The following CAND2 variants were observed in gnomAD, a reference collection of about 807,000 sequenced individuals.
CAND2 encodes the protein cullin-associated NEDD8-dissociated protein 2.
CAND2 carries 62 observed loss-of-function variants against 98.9 expected under a neutral mutation model. The observed-to-expected ratio is 0.63, with a 90% confidence interval of 0.51 to 0.77. The LOEUF (loss-of-function observed/expected upper bound fraction) is 0.77, where lower values mean the gene tolerates loss of function less well. Ranked by LOEUF, CAND2 falls within the 30% of genes least tolerant of loss-of-function variation. The pLI is 0.00. For synonymous variants in CAND2, 770 were observed against 731.9 expected (o/e 1.05, Z -0.84); for missense variants, 1,501 against 1,655.2 (o/e 0.91, Z 1.62).
chr3:12,830,117 C>T (rs1278192290), intron 13 of CAND2, among the ~76,000 whole-genome samples: 3 of 152,150 alleles, frequency 2.0e-5, no homozygotes, highest in South Asian at 2.1e-4. Context: ...GTTCCTGGGA[C>T]GCTCCTTCCT....
intron 1 of CAND2, among the ~76,000 whole-genome samples, chr3:12,800,814 C>T (rs2124832287): frequency 6.6e-6 from 1 of 152,156 alleles, no homozygotes; most frequent in Non-Finnish European, 1.5e-5. Context: ...CCTCTGCCTC[C>T]TGGGTTCAAG....
Position 12,816,726 on chromosome 3 carries a change from T to C in CAND2, c.1794T>C (p.Leu598=). ...GGGCCATTTCCTGCATGGGCCACCT[T>C]GTAGGCCACCTGGGTGACCGGCTTG... ...KERAISCMGH[L]VGHLGDRLGD... The change falls in exon 10 of 15, where the codon CTT becomes CTC. Residue 598 remains leucine (L), a synonymous_variant. Transcript: ENST00000456430. 1 of 1,613,668 alleles carries C rather than the reference T, an allele frequency of 6.2e-7. No homozygotes were observed. Among genetic ancestry groups the C allele is most frequent in the Non-Finnish European group, 8.5e-7 (1 of 1,180,040 alleles).
At chr3:12,797,774 C>CAA (rs34122935) in intron 1 of CAND2, among the ~76,000 whole-genome samples, 100,178 of 151,900 alleles carry the variant, frequency 0.66, 35,207 homozygotes, top group African/African-American at 0.91. Flanking sequence ...GGTTCAGTCA[C>CAA]AGCGAGGAAG....
rs750521408 is a variant in CAND2 at position 12,815,248 on chromosome 3, G to C, written c.1114G>C (p.Asp372His). Reference sequence around the variant, plus strand: ...CAGCTCGCGGCCTGACCTGCTGCCCGATTTCCACTGCACCCTGGCACCTGT... The same window carrying C: ...CAGCTCGCGGCCTGACCTGCTGCCCCATTTCCACTGCACCCTGGCACCTGT... ...LISSRPDLLP[D>H]FHCTLAPVLI... Residue 372 changes from aspartate (D) to histidine (H), a missense_variant, in exon 8 of 15, where the codon GAT becomes CAT. Asp to His is a moderately conservative substitution (Grantham distance 81). Around this residue, in one of 3 missense-constraint regions of CAND2, gnomAD observed 1,427 missense variants for 1,545.3 expected, o/e 0.92. Coordinates refer to ENST00000456430, the MANE Select transcript of CAND2 (RefSeq NM_001162499.2). The surrounding 1 kb of genome is among the most constrained non-coding windows in gnomAD (Gnocchi z 5.7). 6 of 1,613,860 alleles carry C rather than the reference G, an allele frequency of 3.7e-6. No homozygotes were observed. In the Admixed American group the frequency reaches 1.0e-4, roughly 27 times the overall value.
In CAND2 at chr3:12,833,900, A is replaced by G. The variant is rs577013374; in HGVS notation, c.3629A>G (p.Asn1210Ser). The change falls in exon 15 of 15, where the codon AAC (asparagine) becomes AGC (serine). Residue 1210 changes from asparagine to serine, a missense_variant. By Grantham distance (46) the Asn-to-Ser change is conservative. Around this residue, in one of 3 missense-constraint regions of CAND2, gnomAD observed 1,427 missense variants for 1,545.3 expected, o/e 0.92. Coordinates refer to ENST00000456430, the MANE Select transcript of CAND2 (RefSeq NM_001162499.2). ...MADFSSQIRS[N>S]PELAALFESI... ...GACTTCTCTTCCCAAATCAGATCCAACCCTGAACTTGCTGCCCTCTTTGAA... is the reference window on the plus strand; with the variant it reads ...GACTTCTCTTCCCAAATCAGATCCAGCCCTGAACTTGCTGCCCTCTTTGAA... The G allele has an allele frequency of 3.7e-6, 6 of 1,614,116 alleles. No homozygotes were observed. The Middle Eastern group carries it at 4.9e-4, about 133-fold the overall frequency.
chr3:12,813,465 G>C, intron 7 of CAND2, 77 bp downstream of exon 7: 1 of 1,498,574 alleles, frequency 6.7e-7, no homozygotes. Flanking sequence ...ACCAAAGACA[G>C]CGGTCACATT....
Position 12,823,815 on chromosome 3 carries a change from T to C in CAND2, c.3041-1655T>C, listed in dbSNP as rs929633455. Among the ~76,000 whole-genome samples, 6 of 152,196 alleles carry C rather than the reference T, an allele frequency of 3.9e-5. No homozygotes were observed. In the East Asian group the frequency reaches 1.2e-3, roughly 29 times the overall value. On this transcript the variant is annotated intron_variant, in intron 11 of 14. Coordinates refer to ENST00000456430, the MANE Select transcript of CAND2 (RefSeq NM_001162499.2). The stretch of plus-strand genomic sequence containing the variant: ...GGGAGGCTGAGGCCTGAGAATCGCT[T>C]GAACCCGGGAGATGAAGGTTGCAGT...
At chr3:12,825,150 A>C (rs1285463902) in intron 11 of CAND2, among the ~76,000 whole-genome samples, 1 of 151,056 alleles carries the variant, frequency 6.6e-6, no homozygotes, top group African/African-American at 2.4e-5. Context: ...CTGAGGCACC[A>C]CATTTTAAAT....
At chr3:12,808,978 G>A (rs1039667613) in intron 4 of CAND2, among the ~76,000 whole-genome samples, 1 of 152,146 alleles carries the variant, frequency 6.6e-6, no homozygotes, top group African/African-American at 2.4e-5. Context: ...GTGAGTATTT[G>A]TGTGTTCTAC....
chr3:12,823,602 G>A (rs1425693460), intron 11 of CAND2, among the ~76,000 whole-genome samples: 5 of 152,156 alleles, frequency 3.3e-5, no homozygotes, highest in South Asian at 2.1e-4. Flanking sequence ...GCTGGCGGGC[G>A]CCTGTAGTCC....
At chr3:12,807,641 G>C (rs2061818193) in intron 3 of CAND2, among the ~76,000 whole-genome samples, 181 bp downstream of exon 3, 1 of 152,200 alleles carries the variant, frequency 6.6e-6, no homozygotes, top group Non-Finnish European at 1.5e-5. Context: ...TCATGGTTCT[G>C]TGTCAGGAAT....
At chr3:12,829,597 A>G (rs1440682251) in intron 13 of CAND2, among the ~76,000 whole-genome samples, 1 of 152,208 alleles carries the variant, frequency 6.6e-6, no homozygotes, top group Non-Finnish European at 1.5e-5. Flanking sequence ...TAATCACCCA[A>G]AAGCTTCTCC....
Position 12,816,578 on chromosome 3 carries a change from T to C in CAND2, c.1646T>C (p.Val549Ala). 6.2e-7 allele frequency: 1 copy of C among 1,613,888 alleles called. No homozygotes were observed. Among genetic ancestry groups the C allele is most frequent in the Non-Finnish European group, 8.5e-7 (1 of 1,180,016 alleles). ...GCCCTGGTGGTGCTGCAGGAGCTGGTGCGGGCCCTGTGGCCGCTGCACAGG... is the reference window on the plus strand; with the variant it reads ...GCCCTGGTGGTGCTGCAGGAGCTGGCGCGGGCCCTGTGGCCGCTGCACAGG... ...AEALVVLQEL[V>A]RALWPLHRPR... Residue 549 changes from valine (V) to alanine (A), a missense_variant, in exon 10 of 15, where the codon GTG (valine) becomes GCG (alanine). Coordinates refer to ENST00000456430, the MANE Select transcript of CAND2 (RefSeq NM_001162499.2).
chr3:12,822,311 T>TG (rs1288138140), intron 11 of CAND2, among the ~76,000 whole-genome samples: 1 of 151,024 alleles, frequency 6.6e-6, no homozygotes, highest in Admixed American at 6.6e-5. Context: ...TTTTTTTTTT[T>TG]TTTGAGAGAG....
Position 12,815,495 on chromosome 3 carries a change from T to G in CAND2, c.1299+62T>G, listed in dbSNP as rs1482752249. 6.8e-7 allele frequency: 1 copy of G among 1,469,794 alleles called. No individual in the cohort carries two copies. 91.0% of individuals were successfully genotyped at this position (1,469,794 alleles called of 1,614,324 possible). On this transcript the variant is annotated intron_variant, in intron 8 of 14. Coordinates refer to ENST00000456430, the MANE Select transcript of CAND2 (RefSeq NM_001162499.2). This position sits in a 1 kb window ranked among gnomAD's most constrained non-coding sequence, Gnocchi z 5.7. ...TGCCTACCCAGCCACTCACTGTTAG[T>G]GTCCCTGGACTTGGAAACTCAGCTG...
At chr3:12,798,219 C>T (rs964937103) in intron 1 of CAND2, among the ~76,000 whole-genome samples, 4 of 152,142 alleles carry the variant, frequency 2.6e-5, no homozygotes, top group Admixed American at 2.6e-4. Flanking sequence ...CCAAAATCTG[C>T]CACGCCCTGT....
At chr3:12,825,095 C>A (rs749651466) in intron 11 of CAND2, among the ~76,000 whole-genome samples, 1 of 151,678 alleles carries the variant, frequency 6.6e-6, no homozygotes, top group Non-Finnish European at 1.5e-5. Flanking sequence ...TAATGCATTA[C>A]CACATTCAAA....
intron 12 of CAND2, among the ~76,000 whole-genome samples, chr3:12,825,902 T>C (rs1159762956): frequency 6.6e-6 from 1 of 152,184 alleles, no homozygotes; most frequent in Non-Finnish European, 1.5e-5. Flanking sequence ...TGAGGTCCTG[T>C]AAGTGTTCAG....
intron 1 of CAND2, among the ~76,000 whole-genome samples, chr3:12,800,177 C>T (rs529527548): frequency 9.2e-5 from 14 of 152,350 alleles, no homozygotes; most frequent in African/African-American, 2.6e-4. Flanking sequence ...CACAGTCAGT[C>T]CTGCCATCCT....
Sources: allele counts gnomAD v4.1 joint callset (sites outside exome capture counted in the v4.1 genomes callset), GRCh38; gene constraint gnomAD v4.1.1; regional missense constraint gnomAD v4.1.1; non-coding constraint Gnocchi (gnomAD v3.1); transcripts MANE v1.5; gene names NCBI Gene and HGNC (gene_info 2026-07-23, HGNC 2026-07-21).